Variants in EXOC4 observed in about 807,000 individuals in gnomAD.
EXOC4 encodes SEC8-like 1.
Under a neutral mutation model 107.2 loss-of-function variants are expected in EXOC4, and 71 were observed. The observed-to-expected ratio is 0.66, with a 90% confidence interval of 0.55 to 0.81. The LOEUF is 0.81. EXOC4 is among the 30% of genes least tolerant of loss of function. EXOC4 has a pLI of 0.00. For missense variants in EXOC4, 1,108 were observed against 1,189.6 expected, an observed-to-expected ratio of 0.93 and a Z score of 1.01; for synonymous variants, 456 against 441.2, an observed-to-expected ratio of 1.03 and a Z score of -0.42.
rs1490759723 is a variant in EXOC4, at chr7:133,630,150, A to G, written c.1514+9A>G. The G allele has an allele frequency of 6.3e-7, 1 of 1,590,746 alleles. No homozygotes were observed. The highest frequency in any genetic ancestry group is 8.6e-7 in the Non-Finnish European group (1 of 1,158,848). ...TTCCACCCATTACTAAGGTAAGTCAAGTGCTATGATATACTTACTGAAGAT... is the reference window on the plus strand; with the variant it reads ...TTCCACCCATTACTAAGGTAAGTCAGGTGCTATGATATACTTACTGAAGAT... On this transcript the variant is annotated intron_variant, in intron 10 of 17. Coordinates refer to ENST00000253861, the MANE Select transcript of EXOC4 (RefSeq NM_021807.4).
intron 7 of EXOC4, among the ~76,000 whole-genome samples, chr7:133,424,729 A>G (rs1013207116): frequency 6.6e-6 from 1 of 152,246 alleles, no homozygotes; most frequent in East Asian, 1.9e-4. Context: ...GTTTAGCACT[A>G]TGAATAGAGT....
chr7:133,302,712 G>A (rs1301621743), intron 3 of EXOC4, among the ~76,000 whole-genome samples: 1 of 152,044 alleles, frequency 6.6e-6, no homozygotes, highest in African/African-American at 2.4e-5. Flanking sequence ...ATTATTCAGT[G>A]TTGCGTGTCA....
At chr7:134,089,287 A>T in the EXOC4 span, among the ~76,000 whole-genome samples, 3 of 152,340 alleles carry the variant, frequency 2.0e-5, no homozygotes, top group South Asian at 4.1e-4. Flanking sequence ...GGCATAAAAA[A>T]ATCCACATTC....
intron 9 of EXOC4, among the ~76,000 whole-genome samples, chr7:133,618,221 T>TTA (rs926166332): frequency 7.9e-5 from 12 of 151,968 alleles, no homozygotes; most frequent in South Asian, 2.1e-4. Context: ...AATATTCTAG[T>TTA]TATATATATA....
intron 9 of EXOC4, chr7:133,481,059 A>AAG (rs1354824019): frequency 1.3e-5 from 2 of 150,986 alleles, no homozygotes; most frequent in East Asian, 1.9e-4. Flanking sequence ...CAAAAAAAGA[A>AAG]AAAAAAAAAA....
intron 9 of EXOC4, among the ~76,000 whole-genome samples, chr7:133,624,907 A>AT (rs1378128700): frequency 1.4e-3 from 10 of 6,912 alleles, no homozygotes; most frequent in Non-Finnish European, 6.0e-3. Flanking sequence ...CTCATCTCTT[A>AT]TAAAAAAAAA....
chr7:133,339,138 G>C (rs1362689029), intron 5 of EXOC4, among the ~76,000 whole-genome samples: 2 of 152,112 alleles, frequency 1.3e-5, no homozygotes, highest in Non-Finnish European at 2.9e-5. Flanking sequence ...TTCCATTCTT[G>C]TGTTACTTCA....
intron 10 of EXOC4, among the ~76,000 whole-genome samples, chr7:133,672,486 T>C (rs1268845063): frequency 6.6e-6 from 1 of 151,948 alleles, no homozygotes; most frequent in African/African-American, 2.4e-5. Flanking sequence ...ATGTGTGTAG[T>C]GGTTACTTAT....
rs185094905 is a variant in EXOC4 at position 133,384,322 on chromosome 7, G to A, written c.1182+9320G>A. On this transcript the variant is annotated intron_variant, in intron 7 of 17. Coordinates refer to ENST00000253861, the MANE Select transcript of EXOC4 (RefSeq NM_021807.4). The stretch of plus-strand genomic sequence containing the variant: ...GATGGGCCTGCTCGGGCCTCATTAC[G>A]TCTTGGCCTAGAGAACACAGGTGTA... Among the ~76,000 whole-genome samples the A allele has an allele frequency of 2.6e-5, 4 of 152,256 alleles. No homozygotes were observed. The East Asian group carries it at 5.8e-4, about 22-fold the overall frequency.
chr7:133,515,031 T>G (rs1799846387), intron 9 of EXOC4, among the ~76,000 whole-genome samples: 2 of 152,276 alleles, frequency 1.3e-5, no homozygotes, highest in South Asian at 4.1e-4. Flanking sequence ...CTTAATATAT[T>G]AATGTCAAAA....
At chr7:133,879,767 A>G (rs1798926424) in intron 11 of EXOC4, among the ~76,000 whole-genome samples, 1 of 152,076 alleles carries the variant, frequency 6.6e-6, no homozygotes, top group African/African-American at 2.4e-5. Flanking sequence ...ACGCCCTTTA[A>G]TATTTGTTAT....
intron 9 of EXOC4, among the ~76,000 whole-genome samples, chr7:133,496,824 G>T (rs1053036834): frequency 3.9e-5 from 6 of 152,070 alleles, no homozygotes; most frequent in African/African-American, 1.4e-4. Context: ...TCACTCTCGG[G>T]GTTAGTTTTT....
chr7:133,380,192 A>G (rs1796583424), intron 7 of EXOC4, among the ~76,000 whole-genome samples: 1 of 151,934 alleles, frequency 6.6e-6, no homozygotes, highest in Non-Finnish European at 1.5e-5. Flanking sequence ...TACATATGTA[A>G]CAAACCTGCA....
intron 10 of EXOC4, among the ~76,000 whole-genome samples, chr7:133,664,571 A>T (rs963072136): frequency 6.6e-6 from 1 of 152,154 alleles, no homozygotes; most frequent in Non-Finnish European, 1.5e-5. Context: ...AACAAGAGAA[A>T]CACATATTAC....
intron 11 of EXOC4, among the ~76,000 whole-genome samples, chr7:133,820,624 C>T (rs1264599351): frequency 1.3e-5 from 2 of 152,312 alleles, no homozygotes; most frequent in Non-Finnish European, 2.9e-5. Flanking sequence ...TATTCAATTA[C>T]AGGAAGTATA....
intron 17 of EXOC4, among the ~76,000 whole-genome samples, chr7:134,036,120 C>T (rs900245316): frequency 1.3e-5 from 2 of 152,208 alleles, no homozygotes; most frequent in African/African-American, 4.8e-5. Context: ...GATAAGTGTT[C>T]ATACCAGTAG....
At chr7:133,841,113 A>G (rs1798016659) in intron 11 of EXOC4, among the ~76,000 whole-genome samples, 1 of 152,122 alleles carries the variant, frequency 6.6e-6, no homozygotes, top group Non-Finnish European at 1.5e-5. Context: ...CTATATTCTC[A>G]TTCATAGTTG....
chr7:133,263,051 C>G (rs1482827875), intron 1 of EXOC4, among the ~76,000 whole-genome samples: 1 of 152,156 alleles, frequency 6.6e-6, no homozygotes, highest in Non-Finnish European at 1.5e-5. Flanking sequence ...TGCCTGCTGC[C>G]ATGTAAATGT....
At chr7:133,277,455 G>C (rs1157761081) in intron 2 of EXOC4, among the ~76,000 whole-genome samples, 1 of 152,162 alleles carries the variant, frequency 6.6e-6, no homozygotes, top group African/African-American at 2.4e-5. Context: ...TTTCTGCTTT[G>C]CTTCCCATCA....
Sources: allele counts gnomAD v4.1 joint callset (sites outside exome capture counted in the v4.1 genomes callset), GRCh38; gene constraint gnomAD v4.1.1; transcripts MANE v1.5; gene names NCBI Gene and HGNC (gene_info 2026-07-23, HGNC 2026-07-21).